The following ABI3BP variants were observed in gnomAD, a reference collection of about 807,000 sequenced individuals.
The protein encoded by ABI3BP is ABI family member 3 binding protein.
In ABI3BP, 216 loss-of-function variants were observed where a neutral mutation model predicts 268.6. The observed-to-expected ratio is 0.80, with a 90% CI of 0.72 to 0.90. The LOEUF is 0.90. ABI3BP is among the 40% of genes least tolerant of loss of function. The probability of loss-of-function intolerance (pLI) is 0.00; values close to 1 mark genes in which losing one functional copy is unlikely to be tolerated. For missense variants in ABI3BP, 2,090 were observed against 2,182.4 expected, an observed-to-expected ratio of 0.96 and a Z score of 0.84; for synonymous variants, 730 against 730.0, an observed-to-expected ratio of 1.00 and a Z score of 0.00.
rs578078872 is a variant in ABI3BP at position 100,816,753 on chromosome 3, C to A, written c.3164G>T (p.Arg1055Leu). 6.5e-7 allele frequency: 1 copy of A among 1,535,628 alleles called. No homozygotes were observed. The highest frequency in any genetic ancestry group is 1.2e-5 in the South Asian group (1 of 84,054). The change falls in exon 43 of 68, where the codon CGG becomes CTG. Residue 1055 changes from arginine to leucine, a missense_variant. Physicochemically the swap from Arg to Leu is moderately radical, Grantham distance 102. Coordinates refer to ENST00000471714, the MANE Select transcript of ABI3BP (RefSeq NM_001375547.2). ...GGGTCTGGGACGGGGACGACGTGTC[C>A]GTTGTGTTTTAGGAGCTGAAGGAAG... is the stretch of plus-strand genomic sequence containing the variant. ...PETTLAPKTQ[R>L]TRRPRPRPKT...
At chr3:100,768,619 T>A (rs1271991330) in intron 62 of ABI3BP, among the ~76,000 whole-genome samples, 1 of 152,226 alleles carries the variant, frequency 6.6e-6, no homozygotes, top group Non-Finnish European at 1.5e-5. Flanking sequence ...CTCCTACCGA[T>A]AAACATTAAC....
Position 100,864,822 on chromosome 3 carries a change from C to A in ABI3BP, c.1063+11G>T. The stretch of plus-strand genomic sequence containing the variant: ...TGTTTTTTTAGAAAAAAAAAAAGTT[C>A]TTAGAATTACCCAGTGTTGTTTCTG... On this transcript the variant is annotated intron_variant, in intron 11 of 67. Coordinates refer to ENST00000471714, the MANE Select transcript of ABI3BP (RefSeq NM_001375547.2). 1 of 1,571,844 alleles carries A rather than the reference C, an allele frequency of 6.4e-7. No individual in the cohort carries two copies. The highest frequency in any genetic ancestry group is 8.6e-7 in the Non-Finnish European group (1 of 1,158,516).
intron 20 of ABI3BP, chr3:100,844,317 T>A (rs2098743015): frequency 1.0e-6 from 1 of 985,324 alleles, no homozygotes; most frequent in East Asian, 1.1e-4. Context: ...GATTAAACCA[T>A]GAAGGAAACA....
At chr3:100,811,096 T>G in intron 48 of ABI3BP, 134 bp downstream of exon 48, 1 of 689,930 alleles carries the variant, frequency 1.4e-6, no homozygotes. Context: ...AGGAGCACCT[T>G]GAAAGAAAAG....
At chr3:100,966,301 C>T (rs976354120) in intron 1 of ABI3BP, among the ~76,000 whole-genome samples, 1 of 152,218 alleles carries the variant, frequency 6.6e-6, no homozygotes, top group Non-Finnish European at 1.5e-5. Context: ...TCATCCATCA[C>T]CTTAGCTTTT....
In ABI3BP at chr3:100,789,440, G is replaced by T; in HGVS notation, c.4087+14C>A. 6.3e-7 allele frequency: 1 copy of T among 1,593,916 alleles called. No homozygotes were observed. The highest frequency in any genetic ancestry group is 8.6e-7 in the Non-Finnish European group (1 of 1,169,214). ...TGCCTGCTGATTATTTAAGTCATCA[G>T]AGAAACAACTTACCAGGTCTGATGT... On this transcript the variant is annotated intron_variant, in intron 56 of 67. Transcript: ENST00000471714.
At chr3:100,869,283 A>G (rs1338457266) in intron 9 of ABI3BP, among the ~76,000 whole-genome samples, 4 of 128,354 alleles carry the variant, frequency 3.1e-5, no homozygotes, top group Admixed American at 1.6e-4. Context: ...TTCTTTCTAT[A>G]TTACTAACTC....
In ABI3BP at chr3:100,808,196, G is replaced by A; in HGVS notation, c.3647C>T (p.Thr1216Ile). The change falls in exon 50 of 68, where the codon ACA (threonine) becomes ATA (isoleucine). Residue 1216 changes from threonine to isoleucine, a missense_variant. Thr to Ile is a moderately conservative substitution (Grantham distance 89, BLOSUM62 -1). Coordinates refer to ENST00000471714, the MANE Select transcript of ABI3BP (RefSeq NM_001375547.2). ...TTGTGGGATTCTTGGGCGTGGTGATGTTTTTGGCTTAGGAGGAGCACGTGG... is the reference window on the plus strand; with the variant it reads ...TTGTGGGATTCTTGGGCGTGGTGATATTTTTGGCTTAGGAGGAGCACGTGG... ...QTPRAPPKPK[T>I]SPRPRIPQTQ... is the part of the protein sequence containing the mutation. The A allele has an allele frequency of 6.2e-7, 1 of 1,611,480 alleles. No homozygotes were observed. The highest frequency in any genetic ancestry group is 8.5e-7 in the Non-Finnish European group (1 of 1,178,390).
chr3:100,945,291 G>A (rs2071577625), intron 1 of ABI3BP, among the ~76,000 whole-genome samples: 1 of 152,080 alleles, frequency 6.6e-6, no homozygotes, highest in African/African-American at 2.4e-5. Context: ...AGAAATATAT[G>A]TGACTGTCAC....
chr3:100,765,786 G>C, intron 63 of ABI3BP, 55 bp downstream of exon 63: 1 of 1,264,868 alleles, frequency 7.9e-7, no homozygotes, highest in Non-Finnish European at 1.1e-6. Context: ...TTCCCTTGTT[G>C]TGGTTATAAC....
intron 1 of ABI3BP, among the ~76,000 whole-genome samples, chr3:100,955,628 T>C (rs2076560970): frequency 6.6e-6 from 1 of 152,184 alleles, no homozygotes; most frequent in South Asian, 2.1e-4. Context: ...CAAGAAGTAA[T>C]AGTATTAACA....
At chr3:100,986,634 T>C (rs2091841924) in intron 1 of ABI3BP, among the ~76,000 whole-genome samples, 1 of 152,116 alleles carries the variant, frequency 6.6e-6, no homozygotes, top group Non-Finnish European at 1.5e-5. Context: ...ACCTGGCTAA[T>C]TTTTGTATTT....
chr3:100,804,987 CAGA>C (rs777188959), intron 50 of ABI3BP, 121 bp from the exon 51 acceptor site: 36 of 773,272 alleles, frequency 4.7e-5, no homozygotes, highest in Non-Finnish European at 7.5e-5. Flanking sequence ...AGAGAGAAGA[CAGA>C]AGAAGGAGTT....
chr3:100,811,209 T>C (rs1023892400), intron 48 of ABI3BP, 21 bp downstream of exon 48: 4 of 1,529,976 alleles, frequency 2.6e-6, no homozygotes, highest in South Asian at 2.4e-5. Flanking sequence ...GCACCCAGGG[T>C]TGGGCTACCG....
At chr3:100,828,331 A>C in intron 34 of ABI3BP, 62 bp downstream of exon 34, 1 of 1,422,342 alleles carries the variant, frequency 7.0e-7, no homozygotes, top group East Asian at 2.5e-5. Context: ...GGCAATATAC[A>C]GTGGAATAAG....
chr3:100,885,351 A>G (rs1424458912), intron 6 of ABI3BP, among the ~76,000 whole-genome samples, 185 bp downstream of exon 6: 1 of 152,092 alleles, frequency 6.6e-6, no homozygotes, highest in Non-Finnish European at 1.5e-5. Flanking sequence ...CAAATCAGAG[A>G]TGATTTGAAA....
chr3:100,915,135 T>C (rs1351144385), intron 2 of ABI3BP, among the ~76,000 whole-genome samples: 2 of 152,110 alleles, frequency 1.3e-5, no homozygotes, highest in Non-Finnish European at 2.9e-5. Flanking sequence ...GTGCAGACCC[T>C]CAGCCCACTC....
At chr3:100,841,926 A>C in intron 21 of ABI3BP, 72 bp downstream of exon 21, 3 of 1,273,670 alleles carry the variant, frequency 2.4e-6, no homozygotes, top group Non-Finnish European at 3.2e-6. Flanking sequence ...ACAAAACCCA[A>C]AGCTGAACAA....
At chr3:100,961,864 A>G (rs555893852) in intron 1 of ABI3BP, among the ~76,000 whole-genome samples, 1 of 152,300 alleles carries the variant, frequency 6.6e-6, no homozygotes, top group Admixed American at 6.5e-5. Flanking sequence ...TCCATGGTAC[A>G]TAATTAGATT....
Sources: gnomAD v4.1 joint callset for allele counts (sites outside exome capture counted in the v4.1 genomes callset) on GRCh38, gnomAD v4.1.1 for gene constraint, MANE v1.5 for transcripts, NCBI Gene and HGNC (gene_info 2026-07-23, HGNC 2026-07-21) for gene names.